The following CUL2 variants were observed in gnomAD, a reference collection of about 807,000 sequenced individuals.
CUL2 encodes cullin 2, also known as cullin-2.
A neutral mutation model predicts 110.2 loss-of-function variants in CUL2; 22 were observed. That is an observed-to-expected ratio of 0.20 (90% CI 0.14 to 0.28). The LOEUF (loss-of-function observed/expected upper bound fraction) is 0.28, where lower values mean the gene tolerates loss of function less well. Among genes scored for constraint, CUL2 ranks in the 10% least tolerant of loss-of-function variants. The pLI is 1.00. For synonymous variants in CUL2, 279 were observed against 293.2 expected (o/e 0.95, Z 0.49); for missense variants, 631 against 905.5 (o/e 0.70, Z 3.89).
chr10:35,033,692 G>A (rs1444018311), intron 10 of CUL2, among the ~76,000 whole-genome samples: 9 of 150,766 alleles, frequency 6.0e-5, no homozygotes, highest in African/African-American at 1.5e-4. Context: ...AGCAGAGATC[G>A]CACCACTGCA....
At chr10:35,089,758 T>C (rs984545007) in intron 1 of CUL2, 1 of 152,236 alleles carries the variant, frequency 6.6e-6, no homozygotes, top group Non-Finnish European at 1.5e-5. Flanking sequence ...TATCAATCTT[T>C]GCAGTCTGCG....
rs185619698 is a variant in CUL2 at position 35,096,333 on chromosome 10, A to G, written c.167+4511T>C. On this transcript the variant is annotated intron_variant, in intron 2 of 5. Transcript: ENST00000685421. ...AGTGGCTGACGTGATGGCCGGGTACAGTGGCTCATGCCTGTAATCCCAGCA... is the reference window on the plus strand; with the variant it reads ...AGTGGCTGACGTGATGGCCGGGTACGGTGGCTCATGCCTGTAATCCCAGCA... Among the ~76,000 whole-genome samples, 423 of 151,914 alleles carry G rather than the reference A, an allele frequency of 2.8e-3. 1 individual carries two copies. The highest frequency in any genetic ancestry group is 9.9e-3 in the African/African-American group (412 of 41,442).
rs17582954 is a variant in CUL2, at chr10:35,031,427, T to C, written c.1300-41A>G. On this transcript the variant is annotated intron_variant, in intron 13 of 20. Transcript: ENST00000374749. The surrounding 1 kb of genome is among the most constrained non-coding windows in gnomAD (Gnocchi z 4.4). Reference sequence around the variant, plus strand: ...TTTTAAAAGATTACTTCCTTTCTAATGATTTAGCATTCAGAAATAAAGTTG... The same window carrying C: ...TTTTAAAAGATTACTTCCTTTCTAACGATTTAGCATTCAGAAATAAAGTTG... The C allele has an allele frequency of 0.16, 260,488 of 1,594,226 alleles. 22,533 individuals carry two copies. The highest frequency in any genetic ancestry group is 0.2 in the South Asian group (17,908 of 88,296).
intron 17 of CUL2, among the ~76,000 whole-genome samples, chr10:35,021,262 CTTTT>C (rs35593540): frequency 2.8e-5 from 4 of 144,736 alleles, no homozygotes; most frequent in East Asian, 4.0e-4. Context: ...TTCTTTCTTT[CTTTT>C]TTTTTTTTGA....
At chr10:35,036,151 C>T (rs2085615552) in intron 9 of CUL2, among the ~76,000 whole-genome samples, 1 of 152,240 alleles carries the variant, frequency 6.6e-6, no homozygotes, top group Non-Finnish European at 1.5e-5. Context: ...GTAACCACTG[C>T]TGTGACTTCT....
intron 1 of CUL2, among the ~76,000 whole-genome samples, chr10:35,105,361 G>A (rs1310771769): frequency 6.6e-6 from 1 of 151,320 alleles, no homozygotes; most frequent in East Asian, 2.0e-4. Flanking sequence ...GGGAGGCGGA[G>A]CTTGCAGTGA....
At position 35,097,063 on chromosome 10, in the gene CUL2, A is replaced by G. The variant is rs1455517596; in HGVS notation, c.167+3781T>C. On this transcript the variant is annotated intron_variant, in intron 2 of 5. Transcript: ENST00000685421. Reference sequence around the variant, plus strand: ...GTCTCCACATGACCCGTCCACCTCAACCTCCCAAAGTGCTAGGATTACAGG... The same window carrying G: ...GTCTCCACATGACCCGTCCACCTCAGCCTCCCAAAGTGCTAGGATTACAGG... Among the ~76,000 whole-genome samples, 3 of 151,536 alleles carry G rather than the reference A, an allele frequency of 2.0e-5. No individual in the cohort carries two copies. In the East Asian group the frequency reaches 5.8e-4, roughly 29 times the overall value.
At position 35,010,204 on chromosome 10, in the gene CUL2, G is replaced by T; in HGVS notation, c.*107C>A. On this transcript the variant is annotated 3_prime_UTR_variant, in exon 21 of 21. Coordinates refer to ENST00000374749, the MANE Select transcript of CUL2 (RefSeq NM_003591.4). ...ATGTTGTAAACAGCAGAAAACAGGGGCTGCCAAATGACCAAATTATGGAGG... is the reference window on the plus strand; with the variant it reads ...ATGTTGTAAACAGCAGAAAACAGGGTCTGCCAAATGACCAAATTATGGAGG... The T allele has an allele frequency of 8.3e-7, 1 of 1,210,208 alleles. No homozygotes were observed. Among genetic ancestry groups the T allele is most frequent in the Non-Finnish European group, 1.1e-6 (1 of 913,794 alleles). The allele number at this position is 1,210,208 out of a possible 1,614,324, so 75.0% of individuals were successfully genotyped here.
intron 17 of CUL2, among the ~76,000 whole-genome samples, chr10:35,021,906 T>TGGGGTGAGGTGGGGTGAGGG (rs2085209611): frequency 2.1e-5 from 1 of 48,448 alleles, no homozygotes. Context: ...TGGGGTGAGG[T>TGGGGTGAGGTGGGGTGAGGG]GGGGCGAAGT....
intron 1 of CUL2, among the ~76,000 whole-genome samples, chr10:35,074,979 C>T (rs2086777640): frequency 6.6e-6 from 1 of 152,232 alleles, no homozygotes; most frequent in South Asian, 2.1e-4. Flanking sequence ...GCTCCCCTCA[C>T]ATTCGCTTTC....
chr10:35,051,633 A>C (rs1171284088), intron 5 of CUL2, among the ~76,000 whole-genome samples: 1 of 152,148 alleles, frequency 6.6e-6, no homozygotes, highest in Non-Finnish European at 1.5e-5. Context: ...ACAACAACAA[A>C]AAATAGTGTC....
Position 35,110,653 on chromosome 10 carries a change from C to A in CUL2, c.-50-9593G>T, listed in dbSNP as rs542392735. On this transcript the variant is annotated intron_variant, in intron 1 of 5. Transcript: ENST00000685421. Reference sequence around the variant, plus strand: ...ATCAAGATGCTGGTAGGGTTGGTTTCCTCTGAGGGCCTAAGGGAGGAGTCT... The same window carrying A: ...ATCAAGATGCTGGTAGGGTTGGTTTACTCTGAGGGCCTAAGGGAGGAGTCT... Among the ~76,000 whole-genome samples, 14 of 152,224 alleles carry A rather than the reference C, an allele frequency of 9.2e-5. No individual in the cohort carries two copies. The South Asian group carries it at 1.2e-3, about 14-fold the overall frequency.
chr10:35,031,537 A>G lies in CUL2; in HGVS notation c.1253T>C (p.Phe418Ser). 6.2e-7 allele frequency: 1 copy of G among 1,614,180 alleles called. No homozygotes were observed. Among genetic ancestry groups the G allele is most frequent in the Non-Finnish European group, 8.5e-7 (1 of 1,180,026 alleles). ...ATCAATGTATTTGAACACTGTGATG[A>G]AGCTCGTGAGCCTGTCTTCCACTTC... ...ENEVEDRLTS[F>S]ITVFKYIDDK... is the part of the protein sequence containing the mutation. Residue 418 changes from phenylalanine to serine, a missense_variant, in exon 13 of 21, where the codon TTC becomes TCC. Physicochemically the swap from Phe to Ser is radical, Grantham distance 155. Coordinates refer to ENST00000374749, the MANE Select transcript of CUL2 (RefSeq NM_003591.4). The surrounding 1 kb of genome is among the most constrained non-coding windows in gnomAD (Gnocchi z 4.4).
At position 35,015,874 on chromosome 10, in the gene CUL2, G is replaced by A. The variant is rs139764755; in HGVS notation, c.1887+318C>T. ...AGCACATTTATAAAACCAAAAACCT[G>A]GAAAGTCTTTAAAGGCTAGTTTCAA... On this transcript the variant is annotated intron_variant, in intron 18 of 20. Transcript: ENST00000374749. Among the ~76,000 whole-genome samples, 45 of 152,212 alleles carry A rather than the reference G, an allele frequency of 3.0e-4. 1 individual carries two copies. In the East Asian group the frequency reaches 5.8e-3, roughly 20 times the overall value.
chr10:35,032,475 T>C lies in CUL2; in HGVS notation c.1130A>G (p.Asn377Ser). The change falls in exon 12 of 21, where the codon AAT (asparagine) becomes AGT (serine). Residue 377 changes from asparagine to serine, a missense_variant. By Grantham distance (46) the Asn-to-Ser change is conservative (BLOSUM62 1). Coordinates refer to ENST00000374749, the MANE Select transcript of CUL2 (RefSeq NM_003591.4). ...ALDKALTSVVNYREPKSVCKA... is the reference protein window; with the variant it reads ...ALDKALTSVVSYREPKSVCKA... ...GCAAACAGACTTAGGTTCTCTGTAATTTACAACTGACGTAAGGGCCTGAAT... is the reference window on the plus strand; with the variant it reads ...GCAAACAGACTTAGGTTCTCTGTAACTTACAACTGACGTAAGGGCCTGAAT... The C allele has an allele frequency of 1.3e-6, 2 of 1,591,656 alleles. No homozygotes were observed. Among genetic ancestry groups the C allele is most frequent in the Non-Finnish European group, 1.7e-6 (2 of 1,173,288 alleles).
intron 1 of CUL2, chr10:35,120,022 T>C (rs947040077): frequency 6.6e-6 from 1 of 152,258 alleles, no homozygotes; most frequent in Non-Finnish European, 1.5e-5. Flanking sequence ...TTGGCCCCAA[T>C]TTCTTTGCAC....
chr10:35,072,481 G>A (rs1256010224), intron 1 of CUL2, among the ~76,000 whole-genome samples: 3 of 151,744 alleles, frequency 2.0e-5, no homozygotes, highest in South Asian at 2.1e-4. Flanking sequence ...TGATTCTCCT[G>A]CCTGAACCTC....
At chr10:35,023,039 T>C (rs1274927693) in intron 17 of CUL2, among the ~76,000 whole-genome samples, 3 of 151,908 alleles carry the variant, frequency 2.0e-5, no homozygotes, top group Non-Finnish European at 4.4e-5. Flanking sequence ...CAAGACCCCA[T>C]CTCAAAGAAA....
chr10:35,096,809 CTTTTT>C (rs71523358), intron 2 of CUL2, among the ~76,000 whole-genome samples: 1 of 133,066 alleles, frequency 7.5e-6, no homozygotes, highest in Non-Finnish European at 1.6e-5. Context: ...TTCAGGTCCA[CTTTTT>C]TTTTTTTTTT....
Sources: gnomAD v4.1 joint callset for allele counts (sites outside exome capture counted in the v4.1 genomes callset) on GRCh38, gnomAD v4.1.1 for gene constraint, Gnocchi (gnomAD v3.1) non-coding constraint, MANE v1.5 for transcripts, NCBI Gene and HGNC (gene_info 2026-07-23, HGNC 2026-07-21) for gene names.